TGM6: variants seen among roughly 807,000 people sequenced by gnomAD.
TGM6 encodes the protein protein-glutamine gamma-glutamyltransferase 6.
A neutral mutation model predicts 77.5 loss-of-function variants in TGM6; 74 were observed. The ratio of observed to expected loss-of-function variants is 0.96; its 90% CI spans 0.79 to 1.16. TGM6 has a LOEUF of 1.16. Ranked by LOEUF, TGM6 falls within the 50% of genes most tolerant of loss-of-function variation. TGM6 has a pLI of 0.00. For missense variants in TGM6, 968 were observed against 940.2 expected, an observed-to-expected ratio of 1.03 and a Z score of -0.39; for synonymous variants, 383 against 378.9, an observed-to-expected ratio of 1.01 and a Z score of -0.12.
chr20:2,415,889 G>T (rs950308974), intron 9 of TGM6, among the ~76,000 whole-genome samples: 11 of 152,128 alleles, frequency 7.2e-5, no homozygotes, highest in African/African-American at 2.7e-4. Context: ...GGGGAAAGTG[G>T]TGTATCAGGG....
rs2084694485 is a variant in TGM6 at position 2,399,836 on chromosome 20, T to C, written c.850+98T>C. 7 of 1,074,216 alleles carry C rather than the reference T, an allele frequency of 6.5e-6. No individual in the cohort carries two copies. In the South Asian group the frequency reaches 8.6e-5, roughly 13 times the overall value. The allele number at this position is 1,074,216 out of a possible 1,614,324, so 66.5% of individuals were successfully genotyped here. A position where few individuals can be genotyped will look rare whatever the true frequency, so the allele number is the denominator to read the frequency against. Reference sequence around the variant, plus strand: ...TTGCATATGCTGCAACCCATCTTCATTGATGGATTCATTGACAGGGAGAAC... The same window carrying C: ...TTGCATATGCTGCAACCCATCTTCACTGATGGATTCATTGACAGGGAGAAC... On this transcript the variant is annotated intron_variant, in intron 6 of 12. Transcript: ENST00000202625.
At chr20:2,386,866 G>C (rs1224147605) in intron 1 of TGM6, among the ~76,000 whole-genome samples, 2 of 152,170 alleles carry the variant, frequency 1.3e-5, no homozygotes, top group Non-Finnish European at 2.9e-5. Flanking sequence ...GGGTCCAGCA[G>C]CCCTCATCCA....
At chr20:2,416,302 G>A (rs1299338670) in intron 9 of TGM6, among the ~76,000 whole-genome samples, 2 of 152,176 alleles carry the variant, frequency 1.3e-5, no homozygotes, top group Non-Finnish European at 2.9e-5. Context: ...ATTGGCATAA[G>A]AAGGGACATA....
At chr20:2,390,557 G>A (rs1194869223) in intron 1 of TGM6, among the ~76,000 whole-genome samples, 6 of 152,188 alleles carry the variant, frequency 3.9e-5, no homozygotes, top group African/African-American at 1.4e-4. Flanking sequence ...CACCTTCCAT[G>A]TATCAGGCGC....
chr20:2,403,384 C>T lies in TGM6; in HGVS notation c.990-13C>T. Reference sequence around the variant, plus strand: ...CACTCTAGGCAGCTTCACCCATCCTCTCTCTGTGGCAGGAATTTCCATGTC... The same window carrying T: ...CACTCTAGGCAGCTTCACCCATCCTTTCTCTGTGGCAGGAATTTCCATGTC... On this transcript the variant is annotated splice_polypyrimidine_tract_variant and intron_variant, in intron 7 of 12. Transcript: ENST00000202625. 6.2e-7 allele frequency: 1 copy of T among 1,614,128 alleles called. No homozygotes were observed. Among genetic ancestry groups the T allele is most frequent in the Middle Eastern group, 1.7e-4 (1 of 6,060 alleles).
chr20:2,414,710 G>C (rs938252197), intron 9 of TGM6, among the ~76,000 whole-genome samples: 7 of 152,154 alleles, frequency 4.6e-5, no homozygotes, highest in African/African-American at 1.7e-4. Context: ...TGGAATGCTA[G>C]TCAGAAATAA....
chr20:2,432,356 T>C (rs1298217588), intron 12 of TGM6, 134 bp from the exon 13 acceptor site: 3 of 1,162,822 alleles, frequency 2.6e-6, no homozygotes, highest in South Asian at 2.6e-5. Flanking sequence ...CCTGCAAACA[T>C]GTTGATAAGG....
intron 10 of TGM6, among the ~76,000 whole-genome samples, chr20:2,421,621 C>T (rs917535524): frequency 1.1e-4 from 17 of 152,166 alleles, no homozygotes; most frequent in Admixed American, 7.9e-4. Flanking sequence ...ATATTTTAAT[C>T]GGGTTGTTCA....
intron 1 of TGM6, 64 bp downstream of exon 1, chr20:2,381,039 G>A (rs1568649165): frequency 2.5e-6 from 4 of 1,587,000 alleles, no homozygotes; most frequent in Admixed American, 3.6e-5. Context: ...CAAGAAACAC[G>A]GGTCTGTGGG....
intron 10 of TGM6, among the ~76,000 whole-genome samples, chr20:2,419,053 C>T (rs555233904): frequency 1.1e-4 from 17 of 152,310 alleles, no homozygotes; most frequent in South Asian, 2.1e-4. Flanking sequence ...CATAGCACTT[C>T]GTGGATGATT....
chr20:2,394,410 C>G (rs773729955), intron 1 of TGM6, 42 bp from the exon 2 acceptor site: 1 of 1,604,502 alleles, frequency 6.2e-7, no homozygotes, highest in South Asian at 1.1e-5. Context: ...GGGTGAGAAA[C>G]AGGAGGCCGT....
Position 2,408,190 on chromosome 20 carries a change from T to G in TGM6, c.1336+4367T>G, listed in dbSNP as rs192446446. Among the ~76,000 whole-genome samples the G allele has an allele frequency of 7.9e-5, 12 of 152,210 alleles. No individual in the cohort carries two copies. The East Asian group carries it at 2.3e-3, about 29-fold the overall frequency. ...ACTTGCATGAGCAGTATTCTATAGA[T>G]GAAATGACAGGGGCTTGTGCCTCTC... is the stretch of plus-strand genomic sequence containing the variant. On this transcript the variant is annotated intron_variant, in intron 9 of 12. Transcript: ENST00000202625.
Position 2,406,831 on chromosome 20 carries a change from C to CAAAAAAAAAAAAAAAAA in TGM6, c.1336+3027_1336+3043dup. 7.1e-4 allele frequency among the ~76,000 whole-genome samples: 45 copies of CAAAAAAAAAAAAAAAAA among 63,706 alleles called. 4 individuals are homozygous for CAAAAAAAAAAAAAAAAA. The highest frequency in any genetic ancestry group is 8.5e-4 in the African/African-American group (19 of 22,390). 41.8% of individuals were successfully genotyped at this position (63,706 alleles called of 152,430 possible). On this transcript the variant is annotated intron_variant, in intron 9 of 12. Coordinates refer to ENST00000202625, the MANE Select transcript of TGM6 (RefSeq NM_198994.3). ...CCTCAGCAACAAGTGCGAAACTCCT[C>CAAAAAAAAAAAAAAAAA]AAAAAAAAAAAAAAAAAAAAAAAAA...
At chr20:2,384,102 G>A (rs1283861160) in intron 1 of TGM6, among the ~76,000 whole-genome samples, 12 of 112,804 alleles carry the variant, frequency 1.1e-4, no homozygotes, top group Admixed American at 2.0e-4. Flanking sequence ...GTGAGACTCC[G>A]TCTCAAAAAA....
chr20:2,388,601 A>T (rs1187746535), intron 1 of TGM6, among the ~76,000 whole-genome samples: 2 of 139,890 alleles, frequency 1.4e-5, no homozygotes, highest in Admixed American at 7.6e-5. Flanking sequence ...GCAAGACCCT[A>T]TCTCAAATTA....
chr20:2,417,098 A>G (rs1385374878), intron 9 of TGM6, 134 bp from the exon 10 acceptor site: 6 of 771,784 alleles, frequency 7.8e-6, no homozygotes, highest in African/African-American at 1.8e-5. Context: ...CTTTATTTAC[A>G]TAGAGAATCA....
At chr20:2,409,236 G>A (rs2122389915) in intron 9 of TGM6, among the ~76,000 whole-genome samples, 1 of 152,250 alleles carries the variant, frequency 6.6e-6, no homozygotes, top group Admixed American at 6.5e-5. Flanking sequence ...AATATCCAGT[G>A]AGCCAAAGGA....
chr20:2,387,426 G>C (rs1187800281), intron 1 of TGM6, among the ~76,000 whole-genome samples: 1 of 152,204 alleles, frequency 6.6e-6, no homozygotes, highest in Non-Finnish European at 1.5e-5. Flanking sequence ...CCTGCACAGT[G>C]CTCACTCACC....
rs1172305876 is a variant in TGM6 at position 2,430,949 on chromosome 20, A to G, written c.1889A>G (p.Asn630Ser). Residue 630 changes from asparagine to serine, a missense_variant, in exon 12 of 13, where the codon AAC becomes AGC. Asn to Ser is a conservative substitution (Grantham distance 46, BLOSUM62 1). Transcript: ENST00000202625. ...VAVTVEVTVV[N>S]PLIERVKDCA... is the part of the protein sequence containing the mutation. Reference sequence around the variant, plus strand: ...GTTACAGTGGAAGTGACAGTAGTCAACCCCCTCATAGAGAGAGTGAAGGAC... The same window carrying G: ...GTTACAGTGGAAGTGACAGTAGTCAGCCCCCTCATAGAGAGAGTGAAGGAC... The G allele has an allele frequency of 3.7e-6, 6 of 1,613,872 alleles. No homozygotes were observed. The highest frequency in any genetic ancestry group is 1.7e-5 in the Admixed American group (1 of 59,978).
Sources: gnomAD v4.1 joint callset for allele counts (sites outside exome capture counted in the v4.1 genomes callset) on GRCh38, gnomAD v4.1.1 for gene constraint, MANE v1.5 for transcripts, NCBI Gene and HGNC (gene_info 2026-07-23, HGNC 2026-07-21) for gene names.